The following EXO1 variants were observed in gnomAD, a reference collection of about 807,000 sequenced individuals.
EXO1 encodes exonuclease 1.
A neutral mutation model predicts 84.5 loss-of-function variants in EXO1; 69 were observed. That is an observed-to-expected ratio of 0.82 (90% CI 0.67 to 1.00). The LOEUF (loss-of-function observed/expected upper bound fraction) is 1.00, where lower values mean the gene tolerates loss of function less well. EXO1 is among the 50% of genes least tolerant of loss of function. EXO1 has a pLI of 0.00. For missense variants in EXO1, 1,045 were observed against 1,000.7 expected (o/e 1.04, Z -0.60); for synonymous variants, 373 against 366.1 (o/e 1.02, Z -0.21).
At chr1:241,869,020 T>G (rs1197989082) in intron 11 of EXO1, among the ~76,000 whole-genome samples, 1 of 152,230 alleles carries the variant, frequency 6.6e-6, no homozygotes, top group Middle Eastern at 3.2e-3. Flanking sequence ...TAAATGACTG[T>G]GTCACCTATG....
intron 11 of EXO1, among the ~76,000 whole-genome samples, chr1:241,870,132 T>G (rs1387470650): frequency 6.6e-6 from 1 of 152,168 alleles, no homozygotes; most frequent in Admixed American, 6.5e-5. Flanking sequence ...TTCATTTTCT[T>G]CTGCTACAAT....
intron 11 of EXO1, among the ~76,000 whole-genome samples, chr1:241,871,615 A>G (rs1662093993): frequency 6.6e-6 from 1 of 152,156 alleles, no homozygotes; most frequent in Admixed American, 6.5e-5. Context: ...CACATAAACC[A>G]TGTGTATCAA....
Position 241,861,394 on chromosome 1 carries a change from T to A in EXO1, c.945-12T>A. 1 of 1,284,766 alleles carries A rather than the reference T, an allele frequency of 7.8e-7. No homozygotes were observed. The highest frequency in any genetic ancestry group is 1.1e-6 in the Non-Finnish European group (1 of 879,234). 79.6% of individuals were successfully genotyped at this position (1,284,766 alleles called of 1,614,324 possible). A position where few individuals can be genotyped will look rare whatever the true frequency, so the allele number is the denominator to read the frequency against. ...TTAATAAATACATTTTTCCTTAATC[T>A]TGCTAATCTAGATATGTTGATGATT... On this transcript the variant is annotated splice_polypyrimidine_tract_variant and intron_variant, in intron 9 of 15. Coordinates refer to ENST00000366548, the MANE Select transcript of EXO1 (RefSeq NM_130398.4).
intron 11 of EXO1, among the ~76,000 whole-genome samples, chr1:241,870,473 G>C (rs370460611): frequency 2.1e-3 from 317 of 152,288 alleles, no homozygotes; most frequent in African/African-American, 7.4e-3. Flanking sequence ...TATGATTATT[G>C]AAATGTGATC....
intron 11 of EXO1, among the ~76,000 whole-genome samples, chr1:241,870,230 C>T (rs2148474030): frequency 6.6e-6 from 1 of 152,312 alleles, no homozygotes; most frequent in Middle Eastern, 3.4e-3. Flanking sequence ...TTTTCTATAA[C>T]TACAACTTAT....
At chr1:241,871,935 C>G in intron 11 of EXO1, 97 bp from the exon 12 acceptor site, 2 of 603,638 alleles carry the variant, frequency 3.3e-6, no homozygotes, top group Non-Finnish European at 5.3e-6. Context: ...TTTTTAAAGT[C>G]CTTATTTTTA....
chr1:241,885,417 G>C lies in EXO1; in HGVS notation c.2315G>C (p.Ser772Thr). ...RASGLSKKPA[S>T]IQKRKHHNAE... Reference sequence around the variant, plus strand: ...AGTGGGCTGAGCAAGAAGCCGGCAAGCATCCAGAAGAGAAAGCATCATAAT... The same window carrying C: ...AGTGGGCTGAGCAAGAAGCCGGCAACCATCCAGAAGAGAAAGCATCATAAT... Residue 772 changes from serine to threonine, a missense_variant, in exon 15 of 16, where the codon AGC (serine) becomes ACC (threonine). Ser to Thr is a moderately conservative substitution (Grantham distance 58, BLOSUM62 1). Coordinates refer to ENST00000366548, the MANE Select transcript of EXO1 (RefSeq NM_130398.4). 1 of 1,613,864 alleles carries C rather than the reference G, an allele frequency of 6.2e-7. No individual in the cohort carries two copies. The highest frequency in any genetic ancestry group is 8.5e-7 in the Non-Finnish European group (1 of 1,179,850).
rs148709490 is a variant in EXO1, at chr1:241,860,600, T to C, written c.840T>C (p.Asn280=). 48 of 1,613,692 alleles carry C rather than the reference T, an allele frequency of 3.0e-5. No individual in the cohort carries two copies. In the African/African-American group the frequency reaches 6.4e-4, roughly 22 times the overall value. ...TCAACGGGTTTATTCGGGCCAACAA[T>C]ACCTTCCTCTATCAGCTAGTTTTTG... ...DYINGFIRAN[N]TFLYQLVFDP... is the part of the protein sequence containing the mutation. Residue 280 remains asparagine, a synonymous_variant, in exon 9 of 16, where the codon AAT becomes AAC. Coordinates refer to ENST00000366548, the MANE Select transcript of EXO1 (RefSeq NM_130398.4).
At chr1:241,862,497 A>C (rs1280633519) in intron 10 of EXO1, among the ~76,000 whole-genome samples, 1 of 152,184 alleles carries the variant, frequency 6.6e-6, no homozygotes, top group East Asian at 1.9e-4. Flanking sequence ...TGTAGCCTCC[A>C]AGTCTATTTA....
In EXO1 at chr1:241,858,700, T is replaced by G. The variant is rs749081178; in HGVS notation, c.738T>G (p.Asn246Lys). 3 of 1,611,214 alleles carry G rather than the reference T, an allele frequency of 1.9e-6. No individual in the cohort carries two copies. In the South Asian group the frequency reaches 3.3e-5, roughly 18 times the overall value. Residue 246 changes from asparagine (N) to lysine (K), a missense_variant, in exon 8 of 16, where the codon AAT becomes AAG. Asn to Lys is a moderately conservative substitution (Grantham distance 94). Coordinates refer to ENST00000366548, the MANE Select transcript of EXO1 (RefSeq NM_130398.4). ...CATGCAAAGTCCTAAGACTAGCCAA[T>G]AATCCAGATATAGTAAAGGTAAGAG... ...AKACKVLRLA[N>K]NPDIVKVIKK... is the part of the protein sequence containing the mutation.
rs546859830 is a variant in EXO1 at position 241,889,667 on chromosome 1, T to A, written c.*67T>A. 6.7e-7 allele frequency: 1 copy of A among 1,483,432 alleles called. No individual in the cohort carries two copies. The highest frequency in any genetic ancestry group is 1.1e-5 in the South Asian group (1 of 88,380). The allele number at this position is 1,483,432 out of a possible 1,614,324, so 91.9% of individuals were successfully genotyped here. A position where few individuals can be genotyped will look rare whatever the true frequency, so the allele number is the denominator to read the frequency against. The stretch of plus-strand genomic sequence containing the variant: ...TCAATTTGAAGTCCCTGTTTGGGAA[T>A]GAGGCACTTATCAGCATGAAGAATT... On this transcript the variant is annotated 3_prime_UTR_variant, in exon 16 of 16. Coordinates refer to ENST00000366548, the MANE Select transcript of EXO1 (RefSeq NM_130398.4).
chr1:241,871,296 C>T (rs2148477745), intron 11 of EXO1, among the ~76,000 whole-genome samples: 1 of 152,286 alleles, frequency 6.6e-6, no homozygotes, highest in East Asian at 1.9e-4. Flanking sequence ...ATTTTGGTAA[C>T]CCCAACCTAT....
chr1:241,852,204 T>G, intron 4 of EXO1, 88 bp from the exon 5 acceptor site: 1 of 1,170,180 alleles, frequency 8.5e-7, no homozygotes, highest in South Asian at 1.3e-5. Flanking sequence ...ACCTTCTCTT[T>G]CCATAGTTTT....
intron 13 of EXO1, among the ~76,000 whole-genome samples, chr1:241,880,910 T>C (rs990296483): frequency 6.6e-6 from 1 of 152,226 alleles, no homozygotes; most frequent in Non-Finnish European, 1.5e-5. Context: ...CTTCAGGAAG[T>C]GATTTAGCCC....
In EXO1 at chr1:241,879,152, C is replaced by G. The variant is rs61736331; in HGVS notation, c.1918C>G (p.Pro640Ala). 4,483 of 1,608,756 alleles carry G rather than the reference C, an allele frequency of 2.8e-3. 10 individuals are homozygous for G. Among genetic ancestry groups the G allele is most frequent in the Non-Finnish European group, 3.0e-3 (3,569 of 1,175,314 alleles). The change falls in exon 13 of 16, where the codon CCC becomes GCC. Residue 640 changes from proline to alanine, a missense_variant. Coordinates refer to ENST00000366548, the MANE Select transcript of EXO1 (RefSeq NM_130398.4). ...GCAGTTCCGAAGAAAGAGCGATTCC[C>G]CCACCTCTTTGCCTGAGAATAATAT... ...LQQFRRKSDS[P>A]TSLPENNMSD...
At chr1:241,882,124 A>C in intron 14 of EXO1, 107 bp downstream of exon 14, 1 of 644,538 alleles carries the variant, frequency 1.6e-6, no homozygotes, top group Non-Finnish European at 2.8e-6. Flanking sequence ...CTGTAGTCTC[A>C]TTTATATAAA....
At chr1:241,864,717 ATCTT>A (rs1260345995) in intron 10 of EXO1, among the ~76,000 whole-genome samples, 7 of 152,072 alleles carry the variant, frequency 4.6e-5, no homozygotes, top group African/African-American at 1.7e-4. Flanking sequence ...TCTATGTTCT[ATCTT>A]CACCGTGGTT....
At chr1:241,852,813 C>T (rs1660744877) in intron 5 of EXO1, among the ~76,000 whole-genome samples, 2 of 152,118 alleles carry the variant, frequency 1.3e-5, no homozygotes, top group African/African-American at 2.4e-5. Flanking sequence ...CGTGCCACCA[C>T]ACCCGGCTAA....
rs371053396 is a variant in EXO1, at chr1:241,876,884, GT to G, written c.1515-1864del. ...CTCACTCTGTCATCTTTTTAGTTGA[GT>G]CGTCTTTCACACACTGTTCACCTCC... On this transcript the variant is annotated intron_variant, in intron 12 of 15. Coordinates refer to ENST00000366548, the MANE Select transcript of EXO1 (RefSeq NM_130398.4). 6.8e-3 allele frequency among the ~76,000 whole-genome samples: 1,042 copies of G among 152,190 alleles called. 16 individuals are homozygous for G. The highest frequency in any genetic ancestry group is 0.024 in the African/African-American group (978 of 41,524).
Sources: allele counts gnomAD v4.1 joint callset (sites outside exome capture counted in the v4.1 genomes callset), GRCh38; gene constraint gnomAD v4.1.1; transcripts MANE v1.5; gene names NCBI Gene and HGNC (gene_info 2026-07-23, HGNC 2026-07-21).